ERAP1: variants seen among roughly 807,000 people sequenced by gnomAD.
The protein encoded by ERAP1 is endoplasmic reticulum aminopeptidase 1, also known as adipocyte-derived leucine aminopeptidase.
In ERAP1, 86 loss-of-function variants were observed where a neutral mutation model predicts 103.7. That is an observed-to-expected ratio of 0.83 (90% CI 0.70 to 0.99). ERAP1 has a LOEUF of 0.99. ERAP1 is among the 50% of genes least tolerant of loss of function. The probability of loss-of-function intolerance (pLI) is 0.00; values close to 1 mark genes in which losing one functional copy is unlikely to be tolerated. For synonymous variants in ERAP1, 398 were observed against 402.4 expected (o/e 0.99, Z 0.13); for missense variants, 1,009 against 1,128.4 (o/e 0.89, Z 1.52).
chr5:96,838,498 TATAG>T, the ERAP1 span, among the ~76,000 whole-genome samples: 1 of 152,218 alleles, frequency 6.6e-6, no homozygotes. Flanking sequence ...AGTACATGCA[TATAG>T]ATAGTGATAT....
chr5:96,827,536 G>A, the ERAP1 span, among the ~76,000 whole-genome samples: 2 of 152,092 alleles, frequency 1.3e-5, no homozygotes, highest in South Asian at 4.1e-4. Context: ...ATGGCAGCAT[G>A]TGCCTGTAGT....
chr5:96,874,554 C>T, the ERAP1 span, among the ~76,000 whole-genome samples: 1 of 152,236 alleles, frequency 6.6e-6, no homozygotes, highest in Non-Finnish European at 1.5e-5. Flanking sequence ...TTTTCCCACT[C>T]ACTGGCTTCC....
intron 3 of ERAP1, among the ~76,000 whole-genome samples, chr5:96,799,256 G>A (rs1777718501): frequency 6.6e-6 from 1 of 152,018 alleles, no homozygotes; most frequent in Non-Finnish European, 1.5e-5. Flanking sequence ...TCTGCCCCAT[G>A]CCCAAAAGCT....
intron 1 of ERAP1, among the ~76,000 whole-genome samples, chr5:96,807,555 G>T: frequency 6.6e-6 from 1 of 152,140 alleles, no homozygotes; most frequent in Non-Finnish European, 1.5e-5. Context: ...CCGGCCACGC[G>T]CCCGGAGGGA....
chr5:96,859,577 A>G, the ERAP1 span, among the ~76,000 whole-genome samples: 118,645 of 152,004 alleles, frequency 0.78, 47,135 homozygotes, highest in Non-Finnish European at 0.86. Flanking sequence ...GGGAATGCCC[A>G]GGACAGAGCT....
At chr5:96,845,395 C>T in the ERAP1 span, among the ~76,000 whole-genome samples, 2 of 151,992 alleles carry the variant, frequency 1.3e-5, no homozygotes, top group South Asian at 2.1e-4. Flanking sequence ...CCATCATGCC[C>T]GGCTAATTTT....
At chr5:96,899,488 A>C in the ERAP1 span, among the ~76,000 whole-genome samples, 2 of 152,252 alleles carry the variant, frequency 1.3e-5, no homozygotes, top group Admixed American at 1.3e-4. Context: ...AAGATCATTT[A>C]AAGGCATTTG....
chr5:96,831,504 T>A, the ERAP1 span, among the ~76,000 whole-genome samples: 2 of 152,208 alleles, frequency 1.3e-5, no homozygotes, highest in Non-Finnish European at 2.9e-5. Flanking sequence ...ATAGTATGAC[T>A]TATTTTGGAA....
chr5:96,767,043 C>A (rs1307834294), intron 19 of ERAP1, among the ~76,000 whole-genome samples: 1 of 152,158 alleles, frequency 6.6e-6, no homozygotes, highest in Non-Finnish European at 1.5e-5. Context: ...ATTTAAGGCC[C>A]TTGCCTTTGA....
downstream of ERAP1, chr5:96,770,281 C>T: frequency 2.1e-6 from 1 of 467,784 alleles, no homozygotes; most frequent in Non-Finnish European, 3.9e-6. Context: ...CTGGGTGAGT[C>T]AGGCACCACG....
At chr5:96,837,405 C>G in the ERAP1 span, among the ~76,000 whole-genome samples, 1 of 152,192 alleles carries the variant, frequency 6.6e-6, no homozygotes, top group African/African-American at 2.4e-5. Context: ...GAAATTTCCC[C>G]GACCCCTTCG....
At chr5:96,900,890 A>G in the ERAP1 span, among the ~76,000 whole-genome samples, 7 of 151,984 alleles carry the variant, frequency 4.6e-5, no homozygotes, top group Non-Finnish European at 8.8e-5. Context: ...TGTAGGCCAG[A>G]CTGACCTCAG....
At chr5:96,821,602 A>C in the ERAP1 span, among the ~76,000 whole-genome samples, 2 of 152,224 alleles carry the variant, frequency 1.3e-5, no homozygotes, top group Non-Finnish European at 2.9e-5. Flanking sequence ...ACCTAGAAGG[A>C]GCACCAACAT....
Position 96,783,918 on chromosome 5 carries a change from T to C in ERAP1, c.2100+6A>G. The C allele has an allele frequency of 6.2e-7, 1 of 1,609,026 alleles. No individual in the cohort carries two copies. The highest frequency in any genetic ancestry group is 8.5e-7 in the Non-Finnish European group (1 of 1,176,638). On this transcript the variant is annotated splice_donor_region_variant and intron_variant, in intron 14 of 18. Coordinates refer to ENST00000443439, the MANE Select transcript of ERAP1 (RefSeq NM_001040458.3). ...TAATTACATAACTTTTATTTCAGGC[T>C]TTTACCTTGAATTGAGTTTCCACTT...
the ERAP1 span, among the ~76,000 whole-genome samples, chr5:96,887,102 C>CAT: frequency 2.8e-4 from 3 of 10,842 alleles, no homozygotes; most frequent in African/African-American, 6.0e-4. Context: ...TATATATATA[C>CAT]ACACACACAC....
At chr5:96,909,491 A>G in the ERAP1 span, 2 of 973,378 alleles carry the variant, frequency 2.1e-6, no homozygotes, top group Non-Finnish European at 3.2e-6. Context: ...AAAGATGCAG[A>G]AAGTTTAGAG....
In ERAP1 at chr5:96,780,476, G is replaced by A. The variant is rs757390280; in HGVS notation, c.2617C>T (p.His873Tyr). The A allele has an allele frequency of 9.3e-6, 15 of 1,613,118 alleles. No homozygotes were observed. In the South Asian group the frequency reaches 1.6e-4, roughly 18 times the overall value. ...TGATTTGTTGTACCCATTACCATGT[G>A]GGCTATGGAAGATGAGCCAAGTTCA... ...KFELGSSSIA[H>Y]MVMGTTNQFS... Residue 873 changes from histidine (H) to tyrosine (Y), a missense_variant, in exon 18 of 19, where the codon CAC becomes TAC. Around this residue, in one of 3 missense-constraint regions of ERAP1, gnomAD observed 611 missense variants for 651.7 expected, o/e 0.94. Transcript: ENST00000443439.
the ERAP1 span, chr5:96,915,912 G>A: frequency 5.0e-6 from 3 of 595,770 alleles, no homozygotes; most frequent in Non-Finnish European, 8.5e-6. Flanking sequence ...GCAAGTAAAT[G>A]GAAGGGACAG....
chr5:96,906,232 C>A, the ERAP1 span, among the ~76,000 whole-genome samples: 1 of 151,792 alleles, frequency 6.6e-6, no homozygotes, highest in African/African-American at 2.4e-5. Context: ...TTCTCCTCCT[C>A]CTCTTCCTCT....
Sources: gnomAD v4.1 joint callset for allele counts (sites outside exome capture counted in the v4.1 genomes callset) on GRCh38, gnomAD v4.1.1 for gene constraint, gnomAD v4.1.1 regional missense constraint, MANE v1.5 for transcripts, NCBI Gene and HGNC (gene_info 2026-07-23, HGNC 2026-07-21) for gene names.